TALDO1: variants seen among roughly 807,000 people sequenced by gnomAD.
TALDO1 encodes the protein transaldolase.
In TALDO1, 29 loss-of-function variants were observed where a neutral mutation model predicts 38.1. The ratio of observed to expected loss-of-function variants is 0.76; its 90% CI spans 0.57 to 1.04. TALDO1 has a LOEUF of 1.04. Among genes scored for constraint, TALDO1 ranks in the 50% least tolerant of loss-of-function variants. TALDO1 has a pLI of 0.00. For missense variants in TALDO1, 499 were observed against 438.1 expected (o/e 1.14, Z -1.24); for synonymous variants, 207 against 176.8 (o/e 1.17, Z -1.36).
Position 755,955 on chromosome 11 carries a change from C to A in TALDO1, c.174C>A (p.Tyr58Ter). ...LILAAAQMPA[Y>*]QELVEEAIAY... ...TGGCCGCAGCACAGATGCCCGCTTA[C>A]CAGGAGCTGGTGGAGGAGGCGATTG... The change falls in exon 2 of 8, where the codon TAC (tyrosine) becomes TAA (stop). Residue 58 changes from tyrosine (Y) to a stop codon, truncating the protein, a stop_gained. Transcript: ENST00000319006. LOFTEE classifies it high-confidence loss of function. 1 of 1,614,046 alleles carries A rather than the reference C, an allele frequency of 6.2e-7. No individual in the cohort carries two copies. Among genetic ancestry groups the A allele is most frequent in the Non-Finnish European group, 8.5e-7 (1 of 1,179,986 alleles).
intron 2 of TALDO1, among the ~76,000 whole-genome samples, chr11:757,066 G>A (rs1862849941): frequency 6.6e-6 from 1 of 152,216 alleles, no homozygotes; most frequent in Admixed American, 6.5e-5. Flanking sequence ...CTTAGGTCCA[G>A]GTGGCTGGTG....
intron 6 of TALDO1, 113 bp from the exon 7 acceptor site, chr11:764,175 A>G: frequency 1.3e-6 from 2 of 1,576,952 alleles, no homozygotes; most frequent in Non-Finnish European, 1.7e-6. Flanking sequence ...GCTGGGGCCA[A>G]GGCCTGGCCC....
chr11:764,401 G>A lies in TALDO1; in HGVS notation c.949G>A (p.Ala317Thr), dbSNP rs139416578. The part of the protein sequence containing the change: ...KLSDGIRKFA[A>T]DAVKLERMLT... ...CTCTGACGGGATCCGCAAGTTTGCC[G>A]CTGATGCAGTGAAGCTGGAGCGGAT... Residue 317 changes from alanine (A) to threonine (T), a missense_variant, in exon 7 of 8, where the codon GCT becomes ACT. By Grantham distance (58) the Ala-to-Thr change is moderately conservative. Transcript: ENST00000319006. 61 of 1,612,046 alleles carry A rather than the reference G, an allele frequency of 3.8e-5. No individual in the cohort carries two copies. Among genetic ancestry groups the A allele is most frequent in the African/African-American group, 2.0e-4 (15 of 74,806 alleles).
intron 5 of TALDO1, 24 bp from the exon 6 acceptor site, chr11:763,723 G>C: frequency 1.9e-6 from 3 of 1,613,258 alleles, no homozygotes; most frequent in Non-Finnish European, 2.5e-6. Flanking sequence ...AAGCCTTCCT[G>C]GTCACAGCTT....
At position 758,981 on chromosome 11, in the gene TALDO1, G is replaced by C; in HGVS notation, c.253G>C (p.Asp85His). ...AGAGGACCAGATTAAAAATGCTATT[G>C]ATAAACTTTTTGTGTTGTTTGGAGC... ...SQEDQIKNAIDKLFVLFGAEI... is the reference protein window; with the variant it reads ...SQEDQIKNAIHKLFVLFGAEI... Residue 85 changes from aspartate (D) to histidine (H), a missense_variant, in exon 3 of 8, where the codon GAT (aspartate) becomes CAT (histidine). Transcript: ENST00000319006. The C allele has an allele frequency of 6.2e-7, 1 of 1,612,708 alleles. No homozygotes were observed. The highest frequency in any genetic ancestry group is 8.5e-7 in the Non-Finnish European group (1 of 1,179,120).
chr11:755,025 A>G (rs917081315), intron 1 of TALDO1, among the ~76,000 whole-genome samples: 2 of 152,072 alleles, frequency 1.3e-5, no homozygotes, highest in Non-Finnish European at 2.9e-5. Flanking sequence ...AGTGCGGTTC[A>G]GCAACTATTA....
chr11:763,993 C>T (rs771384980), intron 6 of TALDO1, 49 bp downstream of exon 6: 2 of 1,588,852 alleles, frequency 1.3e-6, no homozygotes, highest in South Asian at 1.1e-5. Flanking sequence ...AAGGCCAGCA[C>T]TGCCGTGCCA....
chr11:763,226 C>CAAGTGGGG, intron 4 of TALDO1, 118 bp from the exon 5 acceptor site: 2 of 141,392 alleles, frequency 1.4e-5, no homozygotes, highest in Non-Finnish European at 3.0e-5. Context: ...CCTGCCCCCG[C>CAAGTGGGG]CCTCACCCGC....
intron 1 of TALDO1, among the ~76,000 whole-genome samples, chr11:749,777 G>A (rs1434292319): frequency 1.1e-4 from 16 of 152,220 alleles, no homozygotes; most frequent in Admixed American, 1.0e-3. Context: ...TTTACAGGAC[G>A]AAATGGGCTG....
At chr11:763,311 CCTGCCCCGCCCT>C (rs1469131031) in intron 4 of TALDO1, 21 bp from the exon 5 acceptor site, 97 of 864,458 alleles carry the variant, frequency 1.1e-4, no homozygotes, top group Non-Finnish European at 1.3e-4. Flanking sequence ...CCCGCCCTCA[CCTGCCCCGCCCT>C]CACCTGTCCC....
chr11:760,426 T>A, intron 4 of TALDO1, 173 bp downstream of exon 4: 1 of 905,196 alleles, frequency 1.1e-6, no homozygotes, highest in Non-Finnish European at 1.7e-6. Context: ...TGCCCTCTGC[T>A]CCAGAGCCAG....
chr11:756,544 TTG>T, intron 2 of TALDO1, among the ~76,000 whole-genome samples: 1 of 150,916 alleles, frequency 6.6e-6, no homozygotes. Context: ...AGACAGAGTT[TTG>T]CTTTTGTTGT....
At chr11:750,455 T>C (rs1017540633) in intron 1 of TALDO1, among the ~76,000 whole-genome samples, 1 of 151,374 alleles carries the variant, frequency 6.6e-6, no homozygotes, top group Non-Finnish European at 1.5e-5. Context: ...GCCACTGCAC[T>C]CCAGCTTAGG....
In TALDO1 at chr11:755,746, G is replaced by A. The variant is rs957440044; in HGVS notation, c.98-133G>A. ...AGTGACCCAGAAGAAGGTGTGAGAA[G>A]TGTGGCTGGACCCCGCTTTCGGAAA... On this transcript the variant is annotated intron_variant, in intron 1 of 7. Coordinates refer to ENST00000319006, the MANE Select transcript of TALDO1 (RefSeq NM_006755.2). 6 of 1,309,664 alleles carry A rather than the reference G, an allele frequency of 4.6e-6. No homozygotes were observed. The African/African-American group carries it at 8.7e-5, about 19-fold the overall frequency. The allele number at this position is 1,309,664 out of a possible 1,614,324, so 81.1% of individuals were successfully genotyped here.
At chr11:754,985 A>C (rs1862808010) in intron 1 of TALDO1, among the ~76,000 whole-genome samples, 1 of 152,146 alleles carries the variant, frequency 6.6e-6, no homozygotes, top group African/African-American at 2.4e-5. Context: ...GAGTGATAGC[A>C]GTGGATAAAA....
In TALDO1 at chr11:756,005, G is replaced by C; in HGVS notation, c.221+3G>C. 1 of 1,612,272 alleles carries C rather than the reference G, an allele frequency of 6.2e-7. No homozygotes were observed. Among genetic ancestry groups the C allele is most frequent in the Non-Finnish European group, 8.5e-7 (1 of 1,179,496 alleles). ...GCCTATGGCCGGAAGCTGGGCGGGT[G>C]AGTGCCTGGACTCGGGAGGGTCCCA... On this transcript the variant is annotated splice_donor_region_variant and intron_variant, in intron 2 of 7. Transcript: ENST00000319006.
At chr11:763,123 G>GTT (rs1367547012) in intron 4 of TALDO1, among the ~76,000 whole-genome samples, 1 of 148,842 alleles carries the variant, frequency 6.7e-6, no homozygotes, top group Non-Finnish European at 1.5e-5. Flanking sequence ...TGCCTTTTTA[G>GTT]TTTAAGGCCC....
intron 4 of TALDO1, among the ~76,000 whole-genome samples, chr11:761,132 G>A (rs1271139142): frequency 2.0e-5 from 3 of 151,952 alleles, no homozygotes; most frequent in South Asian, 4.2e-4. Context: ...TCAGGAGTTC[G>A]AGACCAGGCT....
rs1862837224 is a variant in TALDO1, at chr11:756,307, C to T, written c.221+305C>T. 3 of 405,346 alleles carry T rather than the reference C, an allele frequency of 7.4e-6. No individual in the cohort carries two copies. In the South Asian group the frequency reaches 7.7e-5, roughly 10 times the overall value. The allele number at this position is 405,346 out of a possible 1,614,324, so 25.1% of individuals were successfully genotyped here. A position where few individuals can be genotyped will look rare whatever the true frequency, so the allele number is the denominator to read the frequency against. ...CCTCCCCTCCTGTAGTCAGTCTCCC[C>T]AGCTCTGGTAACACTTACCTTCTGG... On this transcript the variant is annotated intron_variant, in intron 2 of 7. Transcript: ENST00000319006.
Sources: gnomAD v4.1 joint callset for allele counts (sites outside exome capture counted in the v4.1 genomes callset) on GRCh38, gnomAD v4.1.1 for gene constraint, MANE v1.5 for transcripts, NCBI Gene and HGNC (gene_info 2026-07-23, HGNC 2026-07-21) for gene names.